The following ILRUN variants were observed in gnomAD, a reference collection of about 807,000 sequenced individuals.
ILRUN encodes protein ILRUN.
ILRUN carries 3 observed loss-of-function variants against 33.8 expected under a neutral mutation model. That is an observed-to-expected ratio of 0.09 (90% confidence interval 0.04 to 0.23). The LOEUF (loss-of-function observed/expected upper bound fraction) is 0.23. Among genes scored for constraint, ILRUN ranks in the 10% least tolerant of loss-of-function variants. The probability of loss-of-function intolerance (pLI) is 1.00; values close to 1 mark genes in which losing one functional copy is unlikely to be tolerated. For missense variants in ILRUN, 210 were observed against 375.1 expected, an observed-to-expected ratio of 0.56 and a Z score of 3.64; for synonymous variants, 124 against 138.9, an observed-to-expected ratio of 0.89 and a Z score of 0.75.
chr6:34,659,158 GCCTCTCGCACAGA>G lies in ILRUN; in HGVS notation c.159-4392_159-4380del, dbSNP rs547816775. ...ATTCAAACAAAGGTTAACTCCAAATGCCTCTCGCACAGAGGCTATGGGCCCAAAGCAGCTTTTC... is the reference window on the plus strand; with the variant it reads ...ATTCAAACAAAGGTTAACTCCAAATGGGCTATGGGCCCAAAGCAGCTTTTC... On this transcript the variant is annotated intron_variant, in intron 1 of 4. Transcript: ENST00000374023. Among the ~76,000 whole-genome samples the G allele has an allele frequency of 5.9e-5, 9 of 152,348 alleles. No individual in the cohort carries two copies. In the East Asian group the frequency reaches 1.7e-3, roughly 29 times the overall value.
intron 2 of ILRUN, among the ~76,000 whole-genome samples, chr6:34,650,641 G>A (rs913660760): frequency 6.6e-6 from 1 of 151,750 alleles, no homozygotes; most frequent in Non-Finnish European, 1.5e-5. Flanking sequence ...AGTAGAGATG[G>A]GGTTTCACCA....
intron 1 of ILRUN, among the ~76,000 whole-genome samples, chr6:34,690,599 A>G (rs1434934333): frequency 6.6e-6 from 1 of 152,198 alleles, no homozygotes; most frequent in African/African-American, 2.4e-5. Flanking sequence ...AAAAAAGCCA[A>G]TTAGACTACA....
chr6:34,625,186 C>T (rs1762094548), intron 3 of ILRUN, among the ~76,000 whole-genome samples: 1 of 152,142 alleles, frequency 6.6e-6, no homozygotes, highest in Non-Finnish European at 1.5e-5. Flanking sequence ...CTCCCCCCTT[C>T]CCCTCTTTTT....
chr6:34,686,583 C>T, intron 1 of ILRUN: 1 of 209,124 alleles, frequency 4.8e-6, no homozygotes, highest in Admixed American at 4.3e-5. Context: ...TTTGCGCTGA[C>T]AGTGCTCCAG....
chr6:34,615,123 A>T lies in ILRUN; in HGVS notation c.512-8219T>A, dbSNP rs1761856197. Reference sequence around the variant, plus strand: ...TCTGGAGTTTAATTAATAGTAATATACCAATGTTGATGTCTTTAACAAGTG... The same window carrying T: ...TCTGGAGTTTAATTAATAGTAATATTCCAATGTTGATGTCTTTAACAAGTG... On this transcript the variant is annotated intron_variant, in intron 3 of 4. Coordinates refer to ENST00000374023, the MANE Select transcript of ILRUN (RefSeq NM_024294.4). 1.3e-5 allele frequency among the ~76,000 whole-genome samples: 2 copies of T among 152,228 alleles called. 1 individual carries two copies. Among genetic ancestry groups the T allele is most frequent in the Non-Finnish European group, 2.9e-5 (2 of 68,044 alleles).
intron 1 of ILRUN, among the ~76,000 whole-genome samples, chr6:34,661,278 T>C (rs1762879271): frequency 6.6e-6 from 1 of 152,150 alleles, no homozygotes; most frequent in Non-Finnish European, 1.5e-5. Context: ...CATTTAAAGA[T>C]CAAGGGTCAT....
At chr6:34,609,151 A>T (rs1461310214) in intron 3 of ILRUN, among the ~76,000 whole-genome samples, 1 of 152,228 alleles carries the variant, frequency 6.6e-6, no homozygotes, top group African/African-American at 2.4e-5. Context: ...AAACTCTCTC[A>T]GGCTGTGTTT....
At chr6:34,650,407 T>TTATTTTTA (rs1554186669) in intron 2 of ILRUN, among the ~76,000 whole-genome samples, 1 of 141,440 alleles carries the variant, frequency 7.1e-6, no homozygotes. Context: ...ATTTATTTAT[T>TTATTTTTA]TTTATTTATT....
chr6:34,630,715 A>G (rs1025350864), intron 3 of ILRUN, among the ~76,000 whole-genome samples: 6 of 151,940 alleles, frequency 3.9e-5, no homozygotes, highest in Non-Finnish European at 7.4e-5. Flanking sequence ...AGGTCTCACT[A>G]TGTTGCCCAG....
At chr6:34,677,251 G>A (rs937448886) in intron 1 of ILRUN, among the ~76,000 whole-genome samples, 11 of 152,092 alleles carry the variant, frequency 7.2e-5, no homozygotes, top group African/African-American at 2.7e-4. Flanking sequence ...AGGCTGCAAT[G>A]AGCTGAGATC....
chr6:34,595,525 T>A (rs1224209291), intron 4 of ILRUN, among the ~76,000 whole-genome samples: 1 of 152,098 alleles, frequency 6.6e-6, no homozygotes, highest in Non-Finnish European at 1.5e-5. Context: ...CAGGTATCAG[T>A]AAAATGAATG....
At chr6:34,612,697 A>G (rs760374177) in intron 3 of ILRUN, among the ~76,000 whole-genome samples, 3 of 152,084 alleles carry the variant, frequency 2.0e-5, no homozygotes, top group Non-Finnish European at 2.9e-5. Flanking sequence ...ACTTAAGGTC[A>G]GGAGTTCCAG....
At chr6:34,632,961 T>C (rs567342294) in intron 3 of ILRUN, among the ~76,000 whole-genome samples, 1 of 152,292 alleles carries the variant, frequency 6.6e-6, no homozygotes, top group East Asian at 1.9e-4. Flanking sequence ...AATAATTATA[T>C]TAAATGTGAA....
chr6:34,666,952 G>A (rs1343857715), intron 1 of ILRUN, among the ~76,000 whole-genome samples: 2 of 152,118 alleles, frequency 1.3e-5, no homozygotes, highest in Non-Finnish European at 2.9e-5. Context: ...TTTAAAAATA[G>A]CTTCTTTACA....
In ILRUN at chr6:34,587,860, T is replaced by C. The variant is rs1468702458; in HGVS notation, c.*2705A>G. 3 of 393,654 alleles carry C rather than the reference T, an allele frequency of 7.6e-6. No individual in the cohort carries two copies. The East Asian group carries it at 1.1e-4, about 14-fold the overall frequency. The allele number at this position is 393,654 out of a possible 1,614,324, so 24.4% of individuals were successfully genotyped here. Reference sequence around the variant, plus strand: ...GATTCTTCCCAAGTCTGAACCCCTCTGTCTCCCCAACTGGGTTCAGACCCT... The same window carrying C: ...GATTCTTCCCAAGTCTGAACCCCTCCGTCTCCCCAACTGGGTTCAGACCCT... On this transcript the variant is annotated 3_prime_UTR_variant, in exon 5 of 5. Coordinates refer to ENST00000374023, the MANE Select transcript of ILRUN (RefSeq NM_024294.4).
intron 3 of ILRUN, among the ~76,000 whole-genome samples, chr6:34,631,646 T>G (rs1447524298): frequency 6.6e-6 from 1 of 152,112 alleles, no homozygotes; most frequent in Non-Finnish European, 1.5e-5. Context: ...TTTTATTATT[T>G]GCTCACTATT....
chr6:34,674,024 A>G (rs1269207646), intron 1 of ILRUN, among the ~76,000 whole-genome samples: 1 of 152,096 alleles, frequency 6.6e-6, no homozygotes. Flanking sequence ...TGGGTCAGGC[A>G]GAGGTCCAAA....
At chr6:34,635,548 G>A (rs1045793888) in intron 3 of ILRUN, among the ~76,000 whole-genome samples, 1 of 117,582 alleles carries the variant, frequency 8.5e-6, no homozygotes, top group African/African-American at 3.3e-5. Flanking sequence ...AGAAAGAAAG[G>A]AAGGAAGGAA....
chr6:34,640,922 T>C (rs1762462297), intron 3 of ILRUN, among the ~76,000 whole-genome samples: 1 of 151,120 alleles, frequency 6.6e-6, no homozygotes. Flanking sequence ...CTACTAAGAA[T>C]ACAAAAATTA....
Sources: gnomAD v4.1 joint callset for allele counts (sites outside exome capture counted in the v4.1 genomes callset) on GRCh38, gnomAD v4.1.1 for gene constraint, MANE v1.5 for transcripts, NCBI Gene and HGNC (gene_info 2026-07-23, HGNC 2026-07-21) for gene names.